Variants in PXDNL observed in about 807,000 individuals in gnomAD.
The protein encoded by PXDNL is probable oxidoreductase PXDNL.
In PXDNL, 145 loss-of-function variants were observed where a neutral mutation model predicts 150.8. The observed-to-expected ratio is 0.96, with a 90% CI of 0.84 to 1.10. The LOEUF is 1.10. PXDNL is among the 50% of genes least tolerant of loss of function. The pLI is 0.00. For missense variants in PXDNL, 2,087 were observed against 1,873.9 expected (o/e 1.11, Z -2.10); for synonymous variants, 757 against 725.7 (o/e 1.04, Z -0.69).
intron 20 of PXDNL, among the ~76,000 whole-genome samples, chr8:51,343,672 G>A (rs1310350280): frequency 6.6e-6 from 1 of 152,152 alleles, no homozygotes; most frequent in Non-Finnish European, 1.5e-5. Context: ...GTAGTAATGG[G>A]TGTTGTTATC....
intron 1 of PXDNL, among the ~76,000 whole-genome samples, chr8:51,700,668 A>G (rs755775106): frequency 6.6e-6 from 1 of 151,776 alleles, no homozygotes; most frequent in Non-Finnish European, 1.5e-5. Flanking sequence ...ACATATAAAC[A>G]TACATAAACA....
At chr8:51,683,799 G>A (rs953238527) in intron 1 of PXDNL, among the ~76,000 whole-genome samples, 14 of 152,168 alleles carry the variant, frequency 9.2e-5, no homozygotes, top group Admixed American at 2.0e-4. Context: ...CAAGGCATGC[G>A]AGACTGATGT....
At chr8:51,322,935 G>T (rs7839630) in intron 21 of PXDNL, among the ~76,000 whole-genome samples, 1 of 151,920 alleles carries the variant, frequency 6.6e-6, no homozygotes, top group African/African-American at 2.4e-5. Context: ...AAACTAGCAG[G>T]ACTTGACCCC....
At chr8:51,348,030 A>C (rs1806214553) in intron 19 of PXDNL, among the ~76,000 whole-genome samples, 1 of 152,198 alleles carries the variant, frequency 6.6e-6, no homozygotes, top group South Asian at 2.1e-4. Flanking sequence ...ATTTATGGAG[A>C]TCTTACTGAA....
intron 4 of PXDNL, among the ~76,000 whole-genome samples, chr8:51,513,650 G>A (rs973523904): frequency 6.6e-6 from 1 of 152,214 alleles, no homozygotes; most frequent in African/African-American, 2.4e-5. Context: ...AATAGTGAAA[G>A]AGAACAACAC....
intron 17 of PXDNL, among the ~76,000 whole-genome samples, chr8:51,388,238 T>C (rs1308506663): frequency 6.6e-6 from 1 of 152,192 alleles, no homozygotes; most frequent in Non-Finnish European, 1.5e-5. Context: ...TAGAAAATTA[T>C]TCAATTACTA....
intron 17 of PXDNL, among the ~76,000 whole-genome samples, chr8:51,377,797 C>T (rs563914929): frequency 7.9e-4 from 121 of 152,298 alleles, no homozygotes; most frequent in African/African-American, 2.8e-3. Context: ...CCTGAGCCTC[C>T]CCCACACCGC....
At chr8:51,643,464 T>G (rs1486598086) in intron 2 of PXDNL, among the ~76,000 whole-genome samples, 1 of 152,210 alleles carries the variant, frequency 6.6e-6, no homozygotes, top group Non-Finnish European at 1.5e-5. Context: ...ATTTAATAAA[T>G]GGTGTTGGGA....
chr8:51,544,135 G>T (rs1262759754), intron 4 of PXDNL, among the ~76,000 whole-genome samples: 7 of 152,140 alleles, frequency 4.6e-5, no homozygotes, highest in African/African-American at 1.7e-4. Flanking sequence ...TAATCAAAAG[G>T]TCTTTACCTT....
intron 12 of PXDNL, among the ~76,000 whole-genome samples, chr8:51,443,703 CAGT>C (rs1187302366): frequency 6.6e-6 from 1 of 152,138 alleles, no homozygotes. Flanking sequence ...TTACAAATCT[CAGT>C]AGTAGAAGAA....
At chr8:51,561,535 T>A (rs1812721010) in intron 3 of PXDNL, among the ~76,000 whole-genome samples, 2 of 151,928 alleles carry the variant, frequency 1.3e-5, no homozygotes, top group Admixed American at 6.6e-5. Context: ...GAATTAATTT[T>A]TTTTTAAAAA....
At chr8:51,439,719 G>C (rs149170217) in intron 12 of PXDNL, among the ~76,000 whole-genome samples, 2,557 of 151,662 alleles carry the variant, frequency 0.017, 35 homozygotes, top group South Asian at 0.026. Flanking sequence ...CAGCTACTTG[G>C]GAGGCTGAGG....
At chr8:51,448,716 C>CAAACAAA (rs1437125250) in intron 11 of PXDNL, among the ~76,000 whole-genome samples, 1 of 151,636 alleles carries the variant, frequency 6.6e-6, no homozygotes, top group Non-Finnish European at 1.5e-5. Flanking sequence ...AACAAACAAA[C>CAAACAAA]AAACAAACAA....
At chr8:51,486,811 T>A (rs1306536781) in intron 5 of PXDNL, among the ~76,000 whole-genome samples, 43 of 92,470 alleles carry the variant, frequency 4.7e-4, no homozygotes, top group African/African-American at 1.8e-3. Context: ...TTTTTTTTTT[T>A]TTTTTTTTTT....
At position 51,647,346 on chromosome 8, in the gene PXDNL, G is replaced by C. The variant is rs182391561; in HGVS notation, c.236+7343C>G. ...ATACCGACACATGACAAGAAGTTGG[G>C]CCAAGGGGGAAATGAAGGTGAAGAG... On this transcript the variant is annotated intron_variant, in intron 2 of 22. Coordinates refer to ENST00000356297, the MANE Select transcript of PXDNL (RefSeq NM_144651.5). Among the ~76,000 whole-genome samples the C allele has an allele frequency of 2.0e-3, 310 of 152,194 alleles. 2 individuals carry two copies. Among genetic ancestry groups the C allele is most frequent in the African/African-American group, 7.0e-3 (291 of 41,512 alleles).
chr8:51,413,816 C>T (rs1808719231), intron 14 of PXDNL, among the ~76,000 whole-genome samples: 1 of 152,056 alleles, frequency 6.6e-6, no homozygotes, highest in Non-Finnish European at 1.5e-5. Context: ...CATTTCCAGG[C>T]TATTGAATCT....
chr8:51,481,651 G>T (rs935946729), intron 6 of PXDNL, among the ~76,000 whole-genome samples: 6 of 152,170 alleles, frequency 3.9e-5, no homozygotes, highest in Non-Finnish European at 1.5e-5. Flanking sequence ...GGGCCCCCCT[G>T]ATCTATGCAG....
chr8:51,522,519 T>C (rs2979118), intron 4 of PXDNL, among the ~76,000 whole-genome samples: 34,412 of 152,156 alleles, frequency 0.23, 4,828 homozygotes, highest in African/African-American at 0.4. Flanking sequence ...AAATATAATA[T>C]GTCCATTTTC....
chr8:51,484,639 G>A (rs943229103), intron 5 of PXDNL, among the ~76,000 whole-genome samples: 17 of 152,194 alleles, frequency 1.1e-4, no homozygotes, highest in South Asian at 4.1e-4. Context: ...CTACATGTCC[G>A]GAGCTGGATC....
Sources: gnomAD v4.1 joint callset for allele counts (sites outside exome capture counted in the v4.1 genomes callset) on GRCh38, gnomAD v4.1.1 for gene constraint, MANE v1.5 for transcripts, NCBI Gene and HGNC (gene_info 2026-07-23, HGNC 2026-07-21) for gene names.